ZBTB20: variants seen among roughly 807,000 people sequenced by gnomAD.
The protein encoded by ZBTB20 is zinc finger and BTB domain-containing protein 20.
Under a neutral mutation model 56.9 loss-of-function variants are expected in ZBTB20, and 9 were observed. That is an observed-to-expected ratio of 0.16 (90% confidence interval 0.10 to 0.28). The LOEUF (loss-of-function observed/expected upper bound fraction) is 0.28, where lower values mean the gene tolerates loss of function less well. Ranked by LOEUF, ZBTB20 falls within the 10% of genes least tolerant of loss-of-function variation. The pLI is 1.00. For synonymous variants in ZBTB20, 417 were observed against 420.7 expected (o/e 0.99, Z 0.11); for missense variants, 655 against 1,003.0 (o/e 0.65, Z 4.69).
At chr3:114,577,932 C>T (rs374517341) in intron 6 of ZBTB20, among the ~76,000 whole-genome samples, 10 of 152,164 alleles carry the variant, frequency 6.6e-5, no homozygotes, top group African/African-American at 2.4e-4. Context: ...ACCTGTAAAA[C>T]AAAATTCTAA....
intron 4 of ZBTB20, among the ~76,000 whole-genome samples, chr3:114,895,503 A>G (rs17684989): frequency 0.023 from 3,510 of 152,248 alleles, 48 homozygotes; most frequent in South Asian, 0.049. Flanking sequence ...TTTTCTTTAA[A>G]CAGCCCTAGC....
At chr3:114,706,120 G>C (rs1225010799) in intron 5 of ZBTB20, among the ~76,000 whole-genome samples, 1 of 151,992 alleles carries the variant, frequency 6.6e-6, no homozygotes, top group Non-Finnish European at 1.5e-5. Flanking sequence ...ACTTGAGTTT[G>C]AATCCCAGGT....
intron 5 of ZBTB20, among the ~76,000 whole-genome samples, chr3:114,722,081 G>C (rs1648799913): frequency 6.6e-6 from 1 of 152,130 alleles, no homozygotes; most frequent in South Asian, 2.1e-4. Context: ...ATAACATGAT[G>C]AATGAGTCAA....
At chr3:114,765,863 C>T (rs2068752208) in intron 5 of ZBTB20, among the ~76,000 whole-genome samples, 1 of 152,036 alleles carries the variant, frequency 6.6e-6, no homozygotes, top group African/African-American at 2.4e-5. Flanking sequence ...TTTTCCTAAT[C>T]CAATGAGATG....
intron 7 of ZBTB20, among the ~76,000 whole-genome samples, chr3:114,418,835 G>A (rs1406470143): frequency 1.3e-5 from 2 of 152,024 alleles, no homozygotes; most frequent in Non-Finnish European, 2.9e-5. Flanking sequence ...TTTCCACATC[G>A]ACCATATGTT....
chr3:114,870,823 T>C (rs929357848), intron 4 of ZBTB20, among the ~76,000 whole-genome samples: 1 of 152,074 alleles, frequency 6.6e-6, no homozygotes, highest in African/African-American at 2.4e-5. Context: ...TACTTTCACC[T>C]CTAAGTCTTT....
intron 4 of ZBTB20, among the ~76,000 whole-genome samples, chr3:114,821,063 C>G (rs575764965): frequency 6.6e-6 from 1 of 152,074 alleles, no homozygotes; most frequent in Non-Finnish European, 1.5e-5. Context: ...CCATGGAATA[C>G]CAACCTTGCC....
chr3:114,610,157 C>G (rs1364935316), intron 6 of ZBTB20, among the ~76,000 whole-genome samples: 1 of 152,218 alleles, frequency 6.6e-6, no homozygotes, highest in African/African-American at 2.4e-5. Flanking sequence ...CATCAAAGAG[C>G]TGTGCCCTGT....
chr3:114,858,480 T>A (rs2075346667), intron 4 of ZBTB20, among the ~76,000 whole-genome samples: 3 of 152,042 alleles, frequency 2.0e-5, no homozygotes, highest in Non-Finnish European at 2.9e-5. Context: ...CTTTACATAG[T>A]GCAATAAAAA....
chr3:114,697,207 C>T (rs1288640956), intron 5 of ZBTB20, among the ~76,000 whole-genome samples: 1 of 151,786 alleles, frequency 6.6e-6, no homozygotes, highest in Admixed American at 6.6e-5. Context: ...GGATACATTT[C>T]AAGTGAAAAC....
chr3:115,073,847 C>T (rs1269600168), intron 1 of ZBTB20, among the ~76,000 whole-genome samples: 1 of 151,028 alleles, frequency 6.6e-6, no homozygotes, highest in Non-Finnish European at 1.5e-5. Flanking sequence ...CTAAATAAAT[C>T]CCTACCATTA....
intron 6 of ZBTB20, among the ~76,000 whole-genome samples, chr3:114,594,618 T>G (rs553729791): frequency 6.6e-6 from 1 of 152,254 alleles, no homozygotes; most frequent in African/African-American, 2.4e-5. Context: ...GTGTCTAGCA[T>G]AAAACAAACA....
intron 3 of ZBTB20, among the ~76,000 whole-genome samples, chr3:114,950,496 G>T (rs148659491): frequency 6.6e-6 from 1 of 152,188 alleles, no homozygotes; most frequent in Admixed American, 6.5e-5. Context: ...AATTTGGGCT[G>T]CAGCTGACTA....
chr3:114,641,541 G>A (rs1292922275), intron 6 of ZBTB20, among the ~76,000 whole-genome samples: 4 of 151,756 alleles, frequency 2.6e-5, no homozygotes, highest in South Asian at 2.1e-4. Context: ...AAGGGGAAAC[G>A]AGGCGAAAAG....
chr3:114,449,151 A>C (rs1490078948), intron 7 of ZBTB20, among the ~76,000 whole-genome samples: 1 of 152,322 alleles, frequency 6.6e-6, no homozygotes, highest in African/African-American at 2.4e-5. Context: ...ACAGATTAGA[A>C]AAGCATTGCA....
At chr3:115,058,696 C>CCAGCCTGGG (rs2081905489) in intron 2 of ZBTB20, among the ~76,000 whole-genome samples, 1 of 152,154 alleles carries the variant, frequency 6.6e-6, no homozygotes, top group South Asian at 2.1e-4. Flanking sequence ...CCACTGCACT[C>CCAGCCTGGG]CAGCCTGGGC....
chr3:114,707,370 A>C (rs2063776218), intron 5 of ZBTB20, among the ~76,000 whole-genome samples: 1 of 152,090 alleles, frequency 6.6e-6, no homozygotes, highest in South Asian at 2.1e-4. Context: ...TTTAATTCTC[A>C]GTCAAGCAAT....
At chr3:114,603,215 G>C (rs761689027) in intron 6 of ZBTB20, among the ~76,000 whole-genome samples, 1 of 151,920 alleles carries the variant, frequency 6.6e-6, no homozygotes, top group Non-Finnish European at 1.5e-5. Context: ...GAACATGGTT[G>C]TTCTTATTTT....
intron 8 of ZBTB20, among the ~76,000 whole-genome samples, chr3:114,382,312 T>C (rs2084468247): frequency 6.6e-6 from 1 of 152,224 alleles, no homozygotes; most frequent in Non-Finnish European, 1.5e-5. Flanking sequence ...TAGTCCTGTT[T>C]CTTTGCATTC....
Sources: allele counts gnomAD v4.1 joint callset (sites outside exome capture counted in the v4.1 genomes callset), GRCh38; gene constraint gnomAD v4.1.1; transcripts MANE v1.5; gene names NCBI Gene and HGNC (gene_info 2026-07-23, HGNC 2026-07-21).